The following VAV2 variants were observed in gnomAD, a reference collection of about 807,000 sequenced individuals.
The protein encoded by VAV2 is guanine nucleotide exchange factor VAV2.
VAV2 carries 67 observed loss-of-function variants against 132.5 expected under a neutral mutation model. The ratio of observed to expected loss-of-function variants is 0.51; its 90% CI spans 0.42 to 0.62. VAV2 has a LOEUF of 0.62. Ranked by LOEUF, VAV2 falls within the 20% of genes least tolerant of loss-of-function variation. The pLI, the probability that VAV2 is intolerant of heterozygous loss-of-function variation, is 0.00. For synonymous variants in VAV2, 492 were observed against 443.5 expected (o/e 1.11, Z -1.37); for missense variants, 938 against 1,153.6 (o/e 0.81, Z 2.71).
intron 29 of VAV2, among the ~76,000 whole-genome samples, chr9:133,765,810 GAA>G (rs529215183): frequency 2.9e-4 from 44 of 152,276 alleles, no homozygotes; most frequent in African/African-American, 7.5e-4. Context: ...GAGTTAGAGA[GAA>G]ATAGACAAAC....
chr9:133,926,425 C>T lies in VAV2; in HGVS notation c.321+12678G>A, dbSNP rs1006785231. 1.3e-5 allele frequency: 2 copies of T among 152,322 alleles called. No individual in the cohort carries two copies. The highest frequency in any genetic ancestry group is 4.8e-5 in the African/African-American group (2 of 41,452). 9.4% of individuals were successfully genotyped at this position (152,322 alleles called of 1,614,324 possible). On this transcript the variant is annotated intron_variant, in intron 2 of 29. Coordinates refer to ENST00000371850, the MANE Select transcript of VAV2 (RefSeq NM_001134398.2). This position sits in a 1 kb window ranked among gnomAD's most constrained non-coding sequence, Gnocchi z 4.3. ...AAGTTATTATTACTAATTCCAACAACCTGGCTTGCAGCTTTAGATCGTGGG... is the reference window on the plus strand; with the variant it reads ...AAGTTATTATTACTAATTCCAACAATCTGGCTTGCAGCTTTAGATCGTGGG...
At position 133,946,527 on chromosome 9, in the gene VAV2, CAT is replaced by C. The variant is rs1340362328; in HGVS notation, c.205-7310_205-7309del. 2.6e-5 allele frequency among the ~76,000 whole-genome samples: 4 copies of C among 152,354 alleles called. No homozygotes were observed. In the East Asian group the frequency reaches 7.7e-4, roughly 29 times the overall value. On this transcript the variant is annotated intron_variant, in intron 1 of 29. Transcript: ENST00000371850. Reference sequence around the variant, plus strand: ...AAAGGCTCCAGGAAGTACCCACAGACATAGATAGACATAGTGCGTTTTCTTGA... The same window carrying C: ...AAAGGCTCCAGGAAGTACCCACAGACAGATAGACATAGTGCGTTTTCTTGA...
chr9:133,771,555 G>A (rs1721825646), intron 26 of VAV2, among the ~76,000 whole-genome samples: 1 of 152,216 alleles, frequency 6.6e-6, no homozygotes, highest in Non-Finnish European at 1.5e-5. Context: ...ACAGAGGGTG[G>A]GGGTGAGTCG....
intron 2 of VAV2, among the ~76,000 whole-genome samples, chr9:133,871,348 T>C: frequency 7.1e-6 from 1 of 139,870 alleles, no homozygotes. Flanking sequence ...GAGGGGCGGA[T>C]GGACAGATGG....
At chr9:133,983,524 C>G (rs1455510955) in intron 1 of VAV2, among the ~76,000 whole-genome samples, 2 of 152,212 alleles carry the variant, frequency 1.3e-5, no homozygotes, top group Non-Finnish European at 2.9e-5. Context: ...TCCCAAACCG[C>G]AGGCAGACAC....
At chr9:133,773,349 T>G (rs1311359036) in intron 25 of VAV2, among the ~76,000 whole-genome samples, 1 of 152,240 alleles carries the variant, frequency 6.6e-6, no homozygotes, top group African/African-American at 2.4e-5. Flanking sequence ...TTATCATGAC[T>G]GGAGCTTGCA....
In VAV2 at chr9:133,866,102, C is replaced by T. The variant is rs1011588485; in HGVS notation, c.322-4670G>A. Among the ~76,000 whole-genome samples, 5 of 152,206 alleles carry T rather than the reference C, an allele frequency of 3.3e-5. No homozygotes were observed. The South Asian group carries it at 1.0e-3, about 31-fold the overall frequency. ...CATCTCCCTCACCTCCACCATGATG[C>T]AACCCCCGCTGTTAGGGCCCAAGCC... On this transcript the variant is annotated intron_variant, in intron 2 of 29. Coordinates refer to ENST00000371850, the MANE Select transcript of VAV2 (RefSeq NM_001134398.2).
chr9:133,956,318 C>T (rs1490995098), intron 1 of VAV2, among the ~76,000 whole-genome samples: 1 of 152,156 alleles, frequency 6.6e-6, no homozygotes, highest in Non-Finnish European at 1.5e-5. Context: ...CCTCCCTACC[C>T]TGTGACCCTC....
chr9:133,964,815 C>G (rs1389164672), intron 1 of VAV2, among the ~76,000 whole-genome samples: 2 of 152,144 alleles, frequency 1.3e-5, no homozygotes, highest in African/African-American at 4.8e-5. Flanking sequence ...ACAGAAGGAG[C>G]ACTCCTCTAC....
intron 4 of VAV2, among the ~76,000 whole-genome samples, chr9:133,817,124 ATACTT>A (rs1835590392): frequency 6.6e-6 from 1 of 152,242 alleles, no homozygotes; most frequent in South Asian, 2.1e-4. Context: ...AACATAGTAT[ATACTT>A]TATTTAAGTC....
intron 1 of VAV2, among the ~76,000 whole-genome samples, chr9:133,986,870 C>T (rs999199424): frequency 1.6e-4 from 24 of 152,100 alleles, no homozygotes; most frequent in Admixed American, 2.6e-4. Context: ...CACCAAGCAC[C>T]TCATCAACAT....
chr9:133,903,759 C>T (rs371980925), intron 2 of VAV2, among the ~76,000 whole-genome samples: 132 of 152,258 alleles, frequency 8.7e-4, no homozygotes, highest in African/African-American at 2.8e-3. Flanking sequence ...CAGGGGGATG[C>T]TGGCGAGGGA....
intron 2 of VAV2, among the ~76,000 whole-genome samples, chr9:133,888,964 G>A (rs1164007487): frequency 6.6e-6 from 1 of 152,204 alleles, no homozygotes; most frequent in Non-Finnish European, 1.5e-5. Context: ...CGAACAGCAT[G>A]GAAATGAAGC....
chr9:133,841,411 C>T (rs1564397283), intron 3 of VAV2, among the ~76,000 whole-genome samples: 1 of 152,046 alleles, frequency 6.6e-6, no homozygotes, highest in Non-Finnish European at 1.5e-5. Flanking sequence ...TCATGCAGAG[C>T]TCGTGGCCAC....
At chr9:133,953,477 C>A (rs1444916820) in intron 1 of VAV2, among the ~76,000 whole-genome samples, 1 of 152,094 alleles carries the variant, frequency 6.6e-6, no homozygotes, top group Non-Finnish European at 1.5e-5. Context: ...CGGCTCGGAG[C>A]TGGGAGACCC....
rs1484347256 is a variant in VAV2, at chr9:133,778,982, G to C, written c.1763-93C>G. 7.2e-6 allele frequency: 11 copies of C among 1,535,876 alleles called. 1 individual carries two copies. The South Asian group carries it at 9.7e-5, about 14-fold the overall frequency. ...CGCAGCCCACCCCATCACCAAGCTC[G>C]GCCTCCCCCAGCACACACAGCCTTG... is the stretch of plus-strand genomic sequence containing the variant. On this transcript the variant is annotated intron_variant, in intron 21 of 29. Coordinates refer to ENST00000371850, the MANE Select transcript of VAV2 (RefSeq NM_001134398.2).
chr9:133,792,027 GGT>G (rs1217661294), intron 12 of VAV2, among the ~76,000 whole-genome samples, 158 bp from the exon 13 acceptor site: 12 of 149,700 alleles, frequency 8.0e-5, no homozygotes, highest in African/African-American at 1.7e-4. Context: ...TGCTGGGTGG[GGT>G]GTGTGTGTGT....
At chr9:133,986,849 C>T (rs187034601) in intron 1 of VAV2, among the ~76,000 whole-genome samples, 15 of 152,172 alleles carry the variant, frequency 9.9e-5, no homozygotes, top group African/African-American at 3.4e-4. Flanking sequence ...ACTTCCATGT[C>T]GCTTTTCAGT....
At position 133,769,551 on chromosome 9, in the gene VAV2, GCA is replaced by G. The variant is rs1564327065; in HGVS notation, c.2348-50_2348-49del. 9 of 1,561,034 alleles carry G rather than the reference GCA, an allele frequency of 5.8e-6. No individual in the cohort carries two copies. The highest frequency in any genetic ancestry group is 5.4e-5 in the African/African-American group (4 of 73,734). On this transcript the variant is annotated intron_variant, in intron 27 of 29. Coordinates refer to ENST00000371850, the MANE Select transcript of VAV2 (RefSeq NM_001134398.2). The surrounding 1 kb of genome is among the most constrained non-coding windows in gnomAD (Gnocchi z 8.1). Reference sequence around the variant, plus strand: ...GTGAGGCGGGCAGCAGGGCATCCACGCACAGTCACGGTGGGCACAGCTACAGG... The same window carrying G: ...GTGAGGCGGGCAGCAGGGCATCCACGCAGTCACGGTGGGCACAGCTACAGG...
Sources: gnomAD v4.1 joint callset for allele counts (sites outside exome capture counted in the v4.1 genomes callset) on GRCh38, gnomAD v4.1.1 for gene constraint, Gnocchi (gnomAD v3.1) non-coding constraint, MANE v1.5 for transcripts, NCBI Gene and HGNC (gene_info 2026-07-23, HGNC 2026-07-21) for gene names.